RFFL: variants seen among roughly 807,000 people sequenced by gnomAD.
RFFL encodes the protein ring finger and FYVE like domain containing E3 ubiquitin protein ligase.
Under a neutral mutation model 40.4 loss-of-function variants are expected in RFFL, and 16 were observed. The ratio of observed to expected loss-of-function variants is 0.40; its 90% confidence interval spans 0.27 to 0.60. The LOEUF is 0.60. Ranked by LOEUF, RFFL falls within the 20% of genes least tolerant of loss-of-function variation. RFFL has a pLI of 0.47. For missense variants in RFFL, 367 were observed against 451.7 expected, an observed-to-expected ratio of 0.81 and a Z score of 1.70; for synonymous variants, 154 against 167.9, an observed-to-expected ratio of 0.92 and a Z score of 0.64.
intron 1 of RFFL, among the ~76,000 whole-genome samples, chr17:35,033,516 G>A (rs1316637941): frequency 3.3e-5 from 5 of 151,508 alleles, no homozygotes; most frequent in South Asian, 2.1e-4. Context: ...CATTTTGAGC[G>A]AAACTCTGTC....
intron 1 of RFFL, among the ~76,000 whole-genome samples, chr17:35,038,074 G>A (rs1284683902): frequency 6.6e-6 from 1 of 152,082 alleles, no homozygotes; most frequent in Non-Finnish European, 1.5e-5. Flanking sequence ...GATCACCTGA[G>A]GTCAGAAGTT....
chr17:35,062,721 G>A (rs1043311313), intron 1 of RFFL, among the ~76,000 whole-genome samples: 2 of 152,132 alleles, frequency 1.3e-5, no homozygotes, highest in African/African-American at 4.8e-5. Flanking sequence ...AGAGAACGTG[G>A]GCAATTTGTT....
rs1475985286 is a variant in RFFL, at chr17:35,009,072, A to G, written c.*2896T>C. The G allele has an allele frequency of 6.6e-6, 1 of 152,620 alleles. No homozygotes were observed. The highest frequency in any genetic ancestry group is 2.4e-5 in the African/African-American group (1 of 41,440). The allele number at this position is 152,620 out of a possible 1,614,324, so 9.5% of individuals were successfully genotyped here. A position where few individuals can be genotyped will look rare whatever the true frequency, so the allele number is the denominator to read the frequency against. ...TGAACCACTGTCAGGCTCTTTTGTC[A>G]GTCCTATCAACCTCTAACATCCTCG... On this transcript the variant is annotated 3_prime_UTR_variant, in exon 7 of 7. Transcript: ENST00000394597.
chr17:35,023,307 T>TTA (rs2091020970), intron 2 of RFFL, among the ~76,000 whole-genome samples: 1 of 152,190 alleles, frequency 6.6e-6, no homozygotes, highest in African/African-American at 2.4e-5. Context: ...GTTAAGATAG[T>TTA]TATATAAGTT....
chr17:35,024,839 C>A lies in RFFL; in HGVS notation c.180+1535G>T, dbSNP rs192361308. On this transcript the variant is annotated intron_variant, in intron 2 of 6. Transcript: ENST00000394597. The stretch of plus-strand genomic sequence containing the variant: ...AGCATGAAATTACAAATGAAAAATT[C>A]TCATAGATGAAAACACCCTTAATAT... Among the ~76,000 whole-genome samples, 18 of 152,280 alleles carry A rather than the reference C, an allele frequency of 1.2e-4. No individual in the cohort carries two copies. The East Asian group carries it at 3.1e-3, about 26-fold the overall frequency.
In RFFL at chr17:35,049,723, C is replaced by T. The variant is rs536916742; in HGVS notation, c.-9+13853G>A. ...ACACCCGGTAGTTATTTGTAAACCA[C>T]CACACTCAGAAAACACTCAAAAGAT... On this transcript the variant is annotated intron_variant, in intron 1 of 6. Coordinates refer to ENST00000394597, the MANE Select transcript of RFFL (RefSeq NM_001017368.2). Among the ~76,000 whole-genome samples, 60 of 152,292 alleles carry T rather than the reference C, an allele frequency of 3.9e-4. No individual in the cohort carries two copies. In the South Asian group the frequency reaches 0.011, roughly 29 times the overall value.
intron 3 of RFFL, among the ~76,000 whole-genome samples, chr17:35,020,228 C>T (rs867096958): frequency 1.3e-5 from 2 of 152,016 alleles, no homozygotes; most frequent in African/African-American, 2.4e-5. Flanking sequence ...TTCCTAATTC[C>T]CCCATATTGC....
chr17:35,082,869 A>T (rs984910162), intron 1 of RFFL, among the ~76,000 whole-genome samples: 4 of 152,202 alleles, frequency 2.6e-5, no homozygotes, highest in Non-Finnish European at 5.9e-5. Context: ...CTAAGGTAGC[A>T]CAGCCAGGAA....
At chr17:35,050,608 C>T (rs1454562688) in intron 1 of RFFL, among the ~76,000 whole-genome samples, 1 of 151,866 alleles carries the variant, frequency 6.6e-6, no homozygotes, top group East Asian at 1.9e-4. Flanking sequence ...ATCCTCCCGC[C>T]TCAGCTTCCC....
chr17:35,058,053 A>T (rs1291625385), intron 1 of RFFL, among the ~76,000 whole-genome samples: 1 of 152,170 alleles, frequency 6.6e-6, no homozygotes, highest in Non-Finnish European at 1.5e-5. Flanking sequence ...GAGAGGCATC[A>T]AGAAACACTG....
chr17:35,086,468 A>AC (rs1210705058), intron 1 of RFFL, among the ~76,000 whole-genome samples: 1 of 124,074 alleles, frequency 8.1e-6, no homozygotes, highest in African/African-American at 3.2e-5. Flanking sequence ...CAAGAGTGAG[A>AC]CCCCCATCTC....
intron 6 of RFFL, among the ~76,000 whole-genome samples, chr17:35,012,956 T>C (rs575740595): frequency 3.3e-5 from 5 of 152,382 alleles, no homozygotes; most frequent in African/African-American, 1.2e-4. Flanking sequence ...GCCAGTTATA[T>C]GGTAGGTACT....
At chr17:35,045,050 T>C (rs1381473643) in intron 1 of RFFL, among the ~76,000 whole-genome samples, 6 of 151,884 alleles carry the variant, frequency 4.0e-5, no homozygotes, top group Admixed American at 6.6e-5. Context: ...TAGAATCTTA[T>C]ACACTTCCTT....
Position 35,075,398 on chromosome 17 carries a change from A to C in RFFL, c.-9+13707T>G, listed in dbSNP as rs548405505. On this transcript the variant is annotated intron_variant, in intron 1 of 6. Transcript: ENST00000315249. ...AGGGAATGACCATCGACATTTTTGG[A>C]ATCAGAAACAAATTGTTTCCAAAAG... Among the ~76,000 whole-genome samples the C allele has an allele frequency of 4.0e-4, 61 of 152,340 alleles. 1 individual carries two copies. The South Asian group carries it at 0.012, about 29-fold the overall frequency.
intron 6 of RFFL, among the ~76,000 whole-genome samples, chr17:35,012,891 G>A (rs2142312486): frequency 6.6e-6 from 1 of 152,296 alleles, no homozygotes. Context: ...ACAATTATAT[G>A]CTTAGCATTT....
chr17:35,054,833 T>G (rs564035603), intron 1 of RFFL, among the ~76,000 whole-genome samples: 22 of 152,210 alleles, frequency 1.4e-4, no homozygotes, highest in African/African-American at 5.1e-4. Context: ...TAAAATGAAG[T>G]ACCTAAAAGA....
chr17:35,054,365 CTCTT>C (rs550392660), intron 1 of RFFL, among the ~76,000 whole-genome samples: 6 of 152,262 alleles, frequency 3.9e-5, no homozygotes, highest in Middle Eastern at 3.4e-3. Flanking sequence ...AAGCTGAGGC[CTCTT>C]TCTGATTTAT....
chr17:35,084,855 G>C (rs2091421568), intron 1 of RFFL, among the ~76,000 whole-genome samples: 1 of 151,556 alleles, frequency 6.6e-6, no homozygotes, highest in South Asian at 2.1e-4. Context: ...GAGATCCAGA[G>C]GTTGCAGTGA....
chr17:35,074,023 T>G (rs1425916199), intron 1 of RFFL: 1 of 152,192 alleles, frequency 6.6e-6, no homozygotes, highest in Non-Finnish European at 1.5e-5. Context: ...AGTAGGCCCA[T>G]GTAGTTTTAT....
Sources: allele counts gnomAD v4.1 joint callset (sites outside exome capture counted in the v4.1 genomes callset), GRCh38; gene constraint gnomAD v4.1.1; transcripts MANE v1.5; gene names NCBI Gene and HGNC (gene_info 2026-07-23, HGNC 2026-07-21).